RASA3: variants seen among roughly 807,000 people sequenced by gnomAD.
RASA3 encodes the protein ras GTPase-activating protein 3.
A neutral mutation model predicts 110.0 loss-of-function variants in RASA3; 73 were observed. That is an observed-to-expected ratio of 0.66 (90% CI 0.55 to 0.81). The LOEUF (loss-of-function observed/expected upper bound fraction) is 0.81, where lower values mean the gene tolerates loss of function less well. RASA3 is among the 30% of genes least tolerant of loss of function. The probability of loss-of-function intolerance (pLI) is 0.00; values close to 1 mark genes in which losing one functional copy is unlikely to be tolerated. For missense variants in RASA3, 976 were observed against 1,113.2 expected, an observed-to-expected ratio of 0.88 and a Z score of 1.75; for synonymous variants, 500 against 451.4, an observed-to-expected ratio of 1.11 and a Z score of -1.37.
At chr13:114,022,503 C>T (rs935433349) in intron 8 of RASA3, among the ~76,000 whole-genome samples, 4 of 152,234 alleles carry the variant, frequency 2.6e-5, no homozygotes. Context: ...CTGTGGGCAT[C>T]AGGGGCATCC....
chr13:114,033,163 A>G (rs1594358164), intron 4 of RASA3, among the ~76,000 whole-genome samples: 1 of 33,604 alleles, frequency 3.0e-5, no homozygotes, highest in African/African-American at 1.3e-4. Context: ...CGGCACCCCC[A>G]CACTGACACC....
At chr13:114,119,517 GC>G (rs1177724985) in intron 1 of RASA3, among the ~76,000 whole-genome samples, 1 of 105,136 alleles carries the variant, frequency 9.5e-6, no homozygotes, top group Non-Finnish European at 2.2e-5. Flanking sequence ...GTCGATCAGT[GC>G]CCCCCTCCCC....
chr13:114,055,800 G>A (rs2297095), intron 2 of RASA3, among the ~76,000 whole-genome samples: 14,290 of 151,310 alleles, frequency 0.094, 1,474 homozygotes, highest in African/African-American at 0.25. Flanking sequence ...CTCCAGAGTG[G>A]CAGGTGCCCA....
chr13:113,989,110 T>G (rs1324989840), intron 22 of RASA3, among the ~76,000 whole-genome samples: 1 of 132,974 alleles, frequency 7.5e-6, no homozygotes, highest in African/African-American at 2.9e-5. Context: ...CATCTGTCCA[T>G]CACCATCACT....
intron 1 of RASA3, among the ~76,000 whole-genome samples, chr13:114,077,527 T>G (rs547398921): frequency 5.0e-5 from 6 of 119,748 alleles, no homozygotes; most frequent in Admixed American, 4.4e-4. Context: ...CGCACCGGAT[T>G]CATCCCTCCC....
intron 8 of RASA3, among the ~76,000 whole-genome samples, chr13:114,023,636 G>C (rs2053972697): frequency 1.3e-5 from 2 of 152,220 alleles, no homozygotes; most frequent in Non-Finnish European, 2.9e-5. Context: ...GGGATCGTGG[G>C]GCTCTCTAAA....
At chr13:114,102,583 G>T (rs1345097630) in intron 1 of RASA3, among the ~76,000 whole-genome samples, 1 of 152,148 alleles carries the variant, frequency 6.6e-6, no homozygotes, top group African/African-American at 2.4e-5. Flanking sequence ...GAACCATCAC[G>T]ACCCCATTTT....
rs1048060120 is a variant in RASA3, at chr13:114,112,020, A to G, written c.55+20415T>C. On this transcript the variant is annotated intron_variant, in intron 1 of 23. Transcript: ENST00000334062. The surrounding 1 kb of genome is among the most constrained non-coding windows in gnomAD (Gnocchi z 4.8). ...GAGCTGTAGCGGAAGAGACAAAAGCAAAAGGCAGATTCGCCCCTTTGTGTG... is the reference window on the plus strand; with the variant it reads ...GAGCTGTAGCGGAAGAGACAAAAGCGAAAGGCAGATTCGCCCCTTTGTGTG... 1.3e-5 allele frequency among the ~76,000 whole-genome samples: 2 copies of G among 152,172 alleles called. No homozygotes were observed. Among genetic ancestry groups the G allele is most frequent in the East Asian group, 3.8e-4 (2 of 5,198 alleles).
At chr13:114,117,122 G>C (rs2080292656) in intron 1 of RASA3, among the ~76,000 whole-genome samples, 1 of 137,064 alleles carries the variant, frequency 7.3e-6, no homozygotes, top group Admixed American at 7.2e-5. Flanking sequence ...ACGTGTGTGA[G>C]GGATGCATGT....
chr13:114,099,369 G>A (rs7318319), intron 1 of RASA3, among the ~76,000 whole-genome samples: 23,770 of 151,902 alleles, frequency 0.16, 2,424 homozygotes, highest in African/African-American at 0.28. Flanking sequence ...CATCACACAG[G>A]GACGGTACAG....
chr13:114,053,775 T>C (rs1385151938), intron 2 of RASA3, among the ~76,000 whole-genome samples: 4 of 152,162 alleles, frequency 2.6e-5, no homozygotes, highest in African/African-American at 7.2e-5. Context: ...AAATGGAAAA[T>C]CAAACTTCAT....
chr13:114,018,536 C>T (rs889052888), intron 10 of RASA3, among the ~76,000 whole-genome samples: 12 of 152,186 alleles, frequency 7.9e-5, no homozygotes, highest in African/African-American at 2.7e-4. Context: ...TCGAACAACC[C>T]GGAGAGTCCT....
At chr13:114,072,138 C>T (rs1462018198) in intron 2 of RASA3, among the ~76,000 whole-genome samples, 1 of 152,122 alleles carries the variant, frequency 6.6e-6, no homozygotes, top group Non-Finnish European at 1.5e-5. Context: ...GCACTGAGGC[C>T]CTGCCTGGCA....
chr13:114,029,821 G>GC lies in RASA3; in HGVS notation c.438dup (p.Leu147AlafsTer19). ...GAGGACGTGTCTTACCGTGTGGCGA[G>GC]CTTGTGGCAGACGACCCCAGTGTCT... On this transcript the variant is annotated frameshift_variant, in exon 5 of 24. Transcript: ENST00000334062. LOFTEE classifies it high-confidence loss of function. The GC allele has an allele frequency of 6.3e-7, 1 of 1,591,800 alleles. No individual in the cohort carries two copies. Among genetic ancestry groups the GC allele is most frequent in the Non-Finnish European group, 8.5e-7 (1 of 1,169,682 alleles).
chr13:114,099,595 C>T (rs1245938318), intron 1 of RASA3, among the ~76,000 whole-genome samples: 4 of 149,632 alleles, frequency 2.7e-5, no homozygotes, highest in Middle Eastern at 3.2e-3. Flanking sequence ...AATGCAGGGT[C>T]AGCGCCTGAG....
intron 2 of RASA3, among the ~76,000 whole-genome samples, chr13:114,059,638 A>C (rs1212408243): frequency 1.3e-5 from 2 of 152,210 alleles, no homozygotes; most frequent in Non-Finnish European, 2.9e-5. Context: ...TCTGCCCCCA[A>C]AGCGGCCTCC....
intron 4 of RASA3, among the ~76,000 whole-genome samples, chr13:114,031,605 G>A (rs776447516): frequency 2.0e-5 from 3 of 152,054 alleles, no homozygotes; most frequent in South Asian, 2.1e-4. Flanking sequence ...TGTGTGCACC[G>A]CCTGTGTGTA....
At chr13:114,094,262 C>T (rs2079918939) in intron 1 of RASA3, among the ~76,000 whole-genome samples, 1 of 152,144 alleles carries the variant, frequency 6.6e-6, no homozygotes, top group Non-Finnish European at 1.5e-5. Context: ...ACCATATGAT[C>T]CACCAATTTC....
At chr13:113,990,114 C>T (rs1295329736) in intron 22 of RASA3, among the ~76,000 whole-genome samples, 2 of 152,154 alleles carry the variant, frequency 1.3e-5, no homozygotes, top group Admixed American at 6.5e-5. Flanking sequence ...GAGGTGCCTC[C>T]TTCCTTCCTC....
Sources: allele counts gnomAD v4.1 joint callset (sites outside exome capture counted in the v4.1 genomes callset), GRCh38; gene constraint gnomAD v4.1.1; non-coding constraint Gnocchi (gnomAD v3.1); transcripts MANE v1.5; gene names NCBI Gene and HGNC (gene_info 2026-07-23, HGNC 2026-07-21).